The following SPATA31H1 variants were observed in gnomAD, a reference collection of about 807,000 sequenced individuals.
SPATA31H1 encodes SPATA31 subfamily H member 1.
the SPATA31H1 span, chr2:27,537,418 G>T: frequency 1.4e-6 from 1 of 717,134 alleles, no homozygotes; most frequent in Non-Finnish European, 2.6e-6. Context: ...AAGAGCATGG[G>T]GTTGAGAAAT....
chr2:27,576,404 T>G, the SPATA31H1 span: 2 of 582,666 alleles, frequency 3.4e-6, no homozygotes, highest in South Asian at 5.2e-5. Flanking sequence ...ATGTGAGATC[T>G]GTGGTATTTG....
the SPATA31H1 span, chr2:27,571,512 G>A: frequency 5.0e-6 from 2 of 398,326 alleles, no homozygotes; most frequent in African/African-American, 4.1e-5. Flanking sequence ...AAAAACTGAG[G>A]AGTTGGTCCT....
the SPATA31H1 span, chr2:27,575,594 G>C: frequency 2.5e-6 from 1 of 398,198 alleles, no homozygotes; most frequent in Non-Finnish European, 4.4e-6. This position sits in a 1 kb window ranked among gnomAD's most constrained non-coding sequence, Gnocchi z 4.1. Flanking sequence ...TAAAATCTAA[G>C]GTGTTCTGCC....
At chr2:27,582,416 G>A in the SPATA31H1 span, 6 of 1,614,122 alleles carry the variant, frequency 3.7e-6, no homozygotes, top group African/African-American at 1.3e-5. Context: ...TCCCTGGAGA[G>A]AGGCCCAGCC....
At chr2:27,581,826 A>G in the SPATA31H1 span, 1 of 1,611,284 alleles carries the variant, frequency 6.2e-7, no homozygotes, top group Non-Finnish European at 8.5e-7. Context: ...AAGACATCAC[A>G]GTCCCTCTGA....
chr2:27,566,167 ACT>A, the SPATA31H1 span: 1 of 715,364 alleles, frequency 1.4e-6, no homozygotes. Flanking sequence ...AAGTACCTGG[ACT>A]CTGTTTTACT....
At chr2:27,578,079 C>A in the SPATA31H1 span, 1 of 1,614,040 alleles carries the variant, frequency 6.2e-7, no homozygotes, top group Non-Finnish European at 8.5e-7. Context: ...AGAGGTAATC[C>A]TCATAGATGT....
chr2:27,576,187 T>C, the SPATA31H1 span: 1 of 405,150 alleles, frequency 2.5e-6, no homozygotes, highest in Admixed American at 4.1e-5. Context: ...AAATTTCAAG[T>C]TATGAAATTT....
chr2:27,562,828 A>G, the SPATA31H1 span, among the ~76,000 whole-genome samples: 1 of 151,318 alleles, frequency 6.6e-6, no homozygotes, highest in African/African-American at 2.4e-5. Flanking sequence ...TGGAGGTTGC[A>G]GTGAGCTGAG....
the SPATA31H1 span, among the ~76,000 whole-genome samples, chr2:27,553,924 A>G: frequency 6.6e-6 from 1 of 151,698 alleles, no homozygotes; most frequent in Admixed American, 6.6e-5. Context: ...CTCTGTCTCA[A>G]AAAAAAAGAA....
At chr2:27,544,627 C>T in the SPATA31H1 span, among the ~76,000 whole-genome samples, 1 of 150,766 alleles carries the variant, frequency 6.6e-6, no homozygotes, top group Admixed American at 6.7e-5. Flanking sequence ...CTCTGCCTCC[C>T]AGATTCAAGC....
At chr2:27,578,638 T>A in the SPATA31H1 span, 2 of 1,614,118 alleles carry the variant, frequency 1.2e-6, no homozygotes, top group Admixed American at 3.3e-5. Flanking sequence ...AAATCTACAG[T>A]GATAAAAACA....
chr2:27,578,917 T>C, the SPATA31H1 span: 1 of 1,614,070 alleles, frequency 6.2e-7, no homozygotes, highest in Admixed American at 1.7e-5. Flanking sequence ...GAGACCTATA[T>C]AGACCCTACT....
chr2:27,542,063 A>G, the SPATA31H1 span, among the ~76,000 whole-genome samples: 1 of 151,958 alleles, frequency 6.6e-6, no homozygotes, highest in Non-Finnish European at 1.5e-5. Flanking sequence ...ATGAGCCACC[A>G]CACCCGACCT....
the SPATA31H1 span, chr2:27,573,088 A>T: frequency 2.5e-6 from 1 of 396,934 alleles, no homozygotes; most frequent in Non-Finnish European, 4.4e-6. Flanking sequence ...CGAGGTGTCA[A>T]GCCTGCAGAG....
chr2:27,568,220 A>T, the SPATA31H1 span: 1 of 398,936 alleles, frequency 2.5e-6, no homozygotes, highest in African/African-American at 2.1e-5. Flanking sequence ...AGTCAGTGAA[A>T]ATGAACACAT....
At chr2:27,576,408 G>A in the SPATA31H1 span, 8 of 592,480 alleles carry the variant, frequency 1.4e-5, no homozygotes, top group East Asian at 2.8e-5. Flanking sequence ...GAGATCTGTG[G>A]TATTTGTACC....
chr2:27,580,350 C>G, the SPATA31H1 span: 1 of 1,614,156 alleles, frequency 6.2e-7, no homozygotes, highest in East Asian at 2.2e-5. Context: ...CACTCAAGTT[C>G]ACAACCTACC....
chr2:27,554,304 T>C, the SPATA31H1 span, among the ~76,000 whole-genome samples: 2 of 152,046 alleles, frequency 1.3e-5, no homozygotes, highest in Non-Finnish European at 2.9e-5. Context: ...TCATTATGCA[T>C]TTTTTGGTGT....
Sources: gnomAD v4.1 joint callset for allele counts (sites outside exome capture counted in the v4.1 genomes callset) on GRCh38, gnomAD v4.1.1 for gene constraint, Gnocchi (gnomAD v3.1) non-coding constraint, MANE v1.5 for transcripts, NCBI Gene and HGNC (gene_info 2026-07-23, HGNC 2026-07-21) for gene names.